Variants in SKA3 observed in about 807,000 individuals in gnomAD.
The protein encoded by SKA3 is spindle and kinetochore associated complex subunit 3, also known as spindle and kinetochore-associated protein 3.
SKA3 carries 39 observed loss-of-function variants against 44.2 expected under a neutral mutation model. That is an observed-to-expected ratio of 0.88 (90% CI 0.68 to 1.15). SKA3 has a LOEUF of 1.15. SKA3 is among the 50% of genes most tolerant of loss of function. The pLI is 0.00. For missense variants in SKA3, 511 were observed against 485.8 expected, an observed-to-expected ratio of 1.05 and a Z score of -0.49; for synonymous variants, 192 against 172.0, an observed-to-expected ratio of 1.12 and a Z score of -0.91.
chr13:21,166,799 T>G (rs1459457604), intron 4 of SKA3, among the ~76,000 whole-genome samples: 1 of 152,182 alleles, frequency 6.6e-6, no homozygotes, highest in Non-Finnish European at 1.5e-5. Flanking sequence ...CTTATTTGTA[T>G]TTATGTTTAG....
rs1870021024 is a variant in SKA3, at chr13:21,154,935, A to G, written c.*215T>C. On this transcript the variant is annotated 3_prime_UTR_variant, in exon 9 of 9. Transcript: ENST00000314759. ...AATGAAACACTAATAATCCTTAAAG[A>G]GTGAATGACTGGGCTACATGTCAAC... 4 of 734,490 alleles carry G rather than the reference A, an allele frequency of 5.4e-6. No individual in the cohort carries two copies. The highest frequency in any genetic ancestry group is 6.7e-6 in the Non-Finnish European group (3 of 447,000). 45.5% of individuals were successfully genotyped at this position (734,490 alleles called of 1,614,324 possible). A position where few individuals can be genotyped will look rare whatever the true frequency, so the allele number is the denominator to read the frequency against.
chr13:21,165,892 C>T (rs912535546), intron 4 of SKA3, among the ~76,000 whole-genome samples: 2 of 151,908 alleles, frequency 1.3e-5, no homozygotes, highest in South Asian at 2.1e-4. Flanking sequence ...CTGAGATTGC[C>T]CCAGTGCACT....
Position 21,155,154 on chromosome 13 carries a change from C to G in SKA3, c.*-4G>C. 2 of 1,222,736 alleles carry G rather than the reference C, an allele frequency of 1.6e-6. No homozygotes were observed. The highest frequency in any genetic ancestry group is 2.2e-6 in the Non-Finnish European group (2 of 913,784). The allele number at this position is 1,222,736 out of a possible 1,614,324, so 75.7% of individuals were successfully genotyped here. ...TTGGATAGATCCACTGGAATTTCTG[C>G]AACAGATACAAATAACAAATATCAA... On this transcript the variant is annotated splice_region_variant and splice_polypyrimidine_tract_variant and intron_variant, in intron 8 of 8. Coordinates refer to ENST00000314759, the MANE Select transcript of SKA3 (RefSeq NM_145061.6).
rs1362351878 is a variant in SKA3, at chr13:21,153,821, A to G, written c.*1329T>C. The G allele has an allele frequency of 6.6e-6, 1 of 152,256 alleles. No individual in the cohort carries two copies. Among genetic ancestry groups the G allele is most frequent in the Non-Finnish European group, 1.5e-5 (1 of 68,070 alleles). The allele number at this position is 152,256 out of a possible 1,614,324, so 9.4% of individuals were successfully genotyped here. A position where few individuals can be genotyped will look rare whatever the true frequency, so the allele number is the denominator to read the frequency against. ...TCCGGTTCTGTGGATTTATATACACACGGTACACAGTGAAAGGCTGGTATA... is the reference window on the plus strand; with the variant it reads ...TCCGGTTCTGTGGATTTATATACACGCGGTACACAGTGAAAGGCTGGTATA... On this transcript the variant is annotated 3_prime_UTR_variant, in exon 9 of 9. Transcript: ENST00000314759.
intron 1 of SKA3, 74 bp downstream of exon 1, chr13:21,176,301 T>A (rs919347194): frequency 1.5e-6 from 2 of 1,295,158 alleles, no homozygotes; most frequent in African/African-American, 3.1e-5. Flanking sequence ...CCGTGGGACA[T>A]ACCGTCCACT....
At chr13:21,162,022 T>A in intron 4 of SKA3, 147 bp from the exon 5 acceptor site, 2 of 492,218 alleles carry the variant, frequency 4.1e-6, no homozygotes, top group East Asian at 6.4e-5. Context: ...AATTCTTTTC[T>A]TTTTTCTAAT....
chr13:21,168,738 G>C (rs1164064747), intron 3 of SKA3, among the ~76,000 whole-genome samples: 2 of 152,070 alleles, frequency 1.3e-5, no homozygotes, highest in Non-Finnish European at 2.9e-5. Flanking sequence ...ATGTTGCCCA[G>C]GCTGGTGTCA....
At chr13:21,173,523 T>C (rs929979126) in intron 1 of SKA3, among the ~76,000 whole-genome samples, 2 of 152,194 alleles carry the variant, frequency 1.3e-5, no homozygotes, top group East Asian at 1.9e-4. Flanking sequence ...TCTCAAAGTG[T>C]TGGGATTATA....
intron 2 of SKA3, 50 bp from the exon 3 acceptor site, chr13:21,172,554 A>G: frequency 7.3e-7 from 1 of 1,364,656 alleles, no homozygotes; most frequent in Non-Finnish European, 9.6e-7. Flanking sequence ...TTCTGACTAA[A>G]TCTATTTAGG....
At chr13:21,161,275 A>G (rs567079135) in intron 5 of SKA3, among the ~76,000 whole-genome samples, 27 of 152,162 alleles carry the variant, frequency 1.8e-4, no homozygotes, top group Non-Finnish European at 3.5e-4. Flanking sequence ...GTCTCAAAGA[A>G]AACAAAACAA....
rs993543737 is a variant in SKA3 at position 21,161,850 on chromosome 13, T to G, written c.769A>C (p.Arg257=). ...GTGGCAAAAACATTATCATTGAGCCTGGATTCTGTATCTATGGCCTCCTCA... is the reference window on the plus strand; with the variant it reads ...GTGGCAAAAACATTATCATTGAGCCGGGATTCTGTATCTATGGCCTCCTCA... ...KSEEAIDTES[R]LNDNVFATPS... is the part of the protein sequence containing the mutation. The change falls in exon 5 of 9, where the codon AGG becomes CGG. Residue 257 remains arginine, a synonymous_variant. Coordinates refer to ENST00000314759, the MANE Select transcript of SKA3 (RefSeq NM_145061.6). 8.1e-6 allele frequency: 13 copies of G among 1,612,538 alleles called. No individual in the cohort carries two copies. The highest frequency in any genetic ancestry group is 1.1e-5 in the Non-Finnish European group (13 of 1,179,018).
At position 21,172,402 on chromosome 13, in the gene SKA3, T is replaced by C. The variant is rs764534718; in HGVS notation, c.268A>G (p.Ile90Val). ...KVLMEKNSMD[I>V]MKIREYFQKY... The stretch of plus-strand genomic sequence containing the variant: ...TGGAAATACTCTCTTATTTTCATAA[T>C]ATCCATTGAATTTTTTTCCATTAGT... The change falls in exon 3 of 9, where the codon ATT becomes GTT. Residue 90 changes from isoleucine (I) to valine (V), a missense_variant. Physicochemically the swap from Ile to Val is conservative, Grantham distance 29 (BLOSUM62 3). Transcript: ENST00000314759. 4 of 1,589,358 alleles carry C rather than the reference T, an allele frequency of 2.5e-6. No homozygotes were observed. Among genetic ancestry groups the C allele is most frequent in the Admixed American group, 1.9e-5 (1 of 51,862 alleles).
Position 21,172,483 on chromosome 13 carries a change from CAAG to C in SKA3, c.184_186del (p.Leu62del), listed in dbSNP as rs1871117135. On this transcript the variant is annotated inframe_deletion, in exon 3 of 9. Coordinates refer to ENST00000314759, the MANE Select transcript of SKA3 (RefSeq NM_145061.6). ...TCTTGATTTTCCAATCTTGCTTTAT[CAAG>C]AAGAATATTAACATCATCCTTTTAT... is the stretch of plus-strand genomic sequence containing the variant. The C allele has an allele frequency of 3.8e-6, 6 of 1,587,896 alleles. No homozygotes were observed. The highest frequency in any genetic ancestry group is 2.2e-5 in the East Asian group (1 of 44,566).
chr13:21,176,330 G>C (rs1871521608), intron 1 of SKA3, 45 bp downstream of exon 1: 2 of 1,317,904 alleles, frequency 1.5e-6, no homozygotes, highest in Middle Eastern at 2.6e-4. Flanking sequence ...CCCTCCGCCC[G>C]CGGCGCACCC....
intron 5 of SKA3, among the ~76,000 whole-genome samples, chr13:21,160,248 T>G (rs1426448555): frequency 6.6e-6 from 1 of 152,194 alleles, no homozygotes; most frequent in Non-Finnish European, 1.5e-5. Context: ...ATATATCTAT[T>G]AAAAATGGTG....
Position 21,173,482 on chromosome 13 carries a change from C to A in SKA3, c.104-801G>T, listed in dbSNP as rs551898194. ...ATGTTGGTGAGGCTGGTCTTGAACTCCTGACCTCAAGTGATCCACCCGCCT... is the reference window on the plus strand; with the variant it reads ...ATGTTGGTGAGGCTGGTCTTGAACTACTGACCTCAAGTGATCCACCCGCCT... On this transcript the variant is annotated intron_variant, in intron 1 of 8. Coordinates refer to ENST00000314759, the MANE Select transcript of SKA3 (RefSeq NM_145061.6). Among the ~76,000 whole-genome samples the A allele has an allele frequency of 1.5e-3, 221 of 152,294 alleles. 2 individuals carry two copies. Among genetic ancestry groups the A allele is most frequent in the African/African-American group, 5.2e-3 (217 of 41,564 alleles).
intron 4 of SKA3, 138 bp downstream of exon 4, chr13:21,167,850 T>A: frequency 1.7e-6 from 1 of 599,762 alleles, no homozygotes; most frequent in Non-Finnish European, 2.5e-6. Context: ...CCTATTGAAA[T>A]AAAATAAATA....
chr13:21,159,853 T>C (rs375083970), intron 6 of SKA3, 49 bp downstream of exon 6: 3 of 1,189,620 alleles, frequency 2.5e-6, no homozygotes, highest in African/African-American at 3.1e-5. Flanking sequence ...AGTAGTGTAT[T>C]TGAGTCTTTA....
At chr13:21,160,663 C>T (rs1001762651) in intron 5 of SKA3, among the ~76,000 whole-genome samples, 3 of 152,188 alleles carry the variant, frequency 2.0e-5, no homozygotes, top group African/African-American at 7.2e-5. Flanking sequence ...TCTTAGCTGA[C>T]TATTCAGCAT....
Sources: allele counts gnomAD v4.1 joint callset (sites outside exome capture counted in the v4.1 genomes callset), GRCh38; gene constraint gnomAD v4.1.1; transcripts MANE v1.5; gene names NCBI Gene and HGNC (gene_info 2026-07-23, HGNC 2026-07-21).